ARL6IP5: variants seen among roughly 807,000 people sequenced by gnomAD.
The protein encoded by ARL6IP5 is PRA1 family protein 3.
Under a neutral mutation model 13.0 loss-of-function variants are expected in ARL6IP5, and 6 were observed. That is an observed-to-expected ratio of 0.46 (90% CI 0.25 to 0.91). The LOEUF (loss-of-function observed/expected upper bound fraction) is 0.91. Ranked by LOEUF, ARL6IP5 falls within the 40% of genes least tolerant of loss-of-function variation. The probability of loss-of-function intolerance (pLI) is 0.17; values close to 1 mark genes in which losing one functional copy is unlikely to be tolerated. For missense variants in ARL6IP5, 208 were observed against 248.8 expected, an observed-to-expected ratio of 0.84 and a Z score of 1.10; for synonymous variants, 91 against 91.9, an observed-to-expected ratio of 0.99 and a Z score of 0.06.
chr3:69,085,176 C>A lies in ARL6IP5; in HGVS notation c.129C>A (p.Tyr43Ter), dbSNP rs370577404. 56 of 1,614,058 alleles carry A rather than the reference C, an allele frequency of 3.5e-5. No individual in the cohort carries two copies. Among genetic ancestry groups the A allele is most frequent in the Non-Finnish European group, 4.7e-5 (56 of 1,180,022 alleles). The change falls in exon 1 of 3, where the codon TAC (tyrosine) becomes TAA (stop). Residue 43 changes from tyrosine (Y) to a stop codon, truncating the protein, a stop_gained. Transcript: ENST00000273258. LOFTEE classifies it high-confidence loss of function. ...GCGTAGTGAGCAACCTGCTCTATTA[C>A]CAGACCAACTACCTGGTGGTGGCTG... ...NNRVVSNLLY[Y>*]QTNYLVVAAM...
chr3:69,104,185 A>G (rs1372837541), intron 2 of ARL6IP5, among the ~76,000 whole-genome samples: 2 of 152,192 alleles, frequency 1.3e-5, no homozygotes, highest in Non-Finnish European at 2.9e-5. Context: ...CAAGGTGATG[A>G]TATCAGTGTG....
chr3:69,099,893 A>C (rs2092300006), intron 1 of ARL6IP5: 2 of 152,768 alleles, frequency 1.3e-5, no homozygotes. Flanking sequence ...GGGGTGGGCG[A>C]CTATAATGCC....
chr3:69,098,163 G>C (rs2092293070), intron 1 of ARL6IP5, among the ~76,000 whole-genome samples: 1 of 149,852 alleles, frequency 6.7e-6, no homozygotes, highest in Non-Finnish European at 1.5e-5. Context: ...TGCACCCTCT[G>C]CCTCCCGGGT....
At chr3:69,087,041 G>A (rs2092251032) in intron 1 of ARL6IP5, among the ~76,000 whole-genome samples, 1 of 151,742 alleles carries the variant, frequency 6.6e-6, no homozygotes, top group Admixed American at 6.6e-5. Flanking sequence ...TTACTTTTGA[G>A]ACAAGGTCTT....
chr3:69,088,515 G>A (rs553381231), intron 1 of ARL6IP5, among the ~76,000 whole-genome samples: 91 of 152,304 alleles, frequency 6.0e-4, no homozygotes, highest in Middle Eastern at 6.8e-3. Context: ...ATTTCAGGAA[G>A]GGTGAGGGAA....
At chr3:69,104,395 G>T in intron 2 of ARL6IP5, 69 bp from the exon 3 acceptor site, 1 of 1,455,224 alleles carries the variant, frequency 6.9e-7, no homozygotes, top group Non-Finnish European at 9.5e-7. Flanking sequence ...GTGAAGAGAG[G>T]GAGTGTAATA....
At chr3:69,104,043 C>T (rs554974268) in intron 2 of ARL6IP5, among the ~76,000 whole-genome samples, 5 of 152,256 alleles carry the variant, frequency 3.3e-5, no homozygotes, top group African/African-American at 1.2e-4. Context: ...CGTGCTCCTG[C>T]AGGGAACAAG....
chr3:69,085,929 A>T (rs1297887365), intron 1 of ARL6IP5, among the ~76,000 whole-genome samples: 1 of 152,214 alleles, frequency 6.6e-6, no homozygotes, highest in Non-Finnish European at 1.5e-5. Flanking sequence ...TACTTAACAA[A>T]GTATCCTGTG....
At chr3:69,101,417 G>C (rs896942081) in intron 1 of ARL6IP5, among the ~76,000 whole-genome samples, 2 of 150,442 alleles carry the variant, frequency 1.3e-5, no homozygotes, top group African/African-American at 4.9e-5. Context: ...CAACCTCCCA[G>C]GTTCAAGTGA....
intron 1 of ARL6IP5, among the ~76,000 whole-genome samples, chr3:69,098,787 A>G (rs2092295411): frequency 6.6e-6 from 1 of 152,172 alleles, no homozygotes; most frequent in Non-Finnish European, 1.5e-5. Flanking sequence ...CACTCAATAT[A>G]TAATGTCTTC....
At chr3:69,104,325 G>T in intron 2 of ARL6IP5, 139 bp from the exon 3 acceptor site, 1 of 822,020 alleles carries the variant, frequency 1.2e-6, no homozygotes. Context: ...CCATTTGAAA[G>T]CTTGCATCAA....
chr3:69,103,801 GGAGA>G (rs1303888037), intron 2 of ARL6IP5, among the ~76,000 whole-genome samples: 1 of 152,146 alleles, frequency 6.6e-6, no homozygotes, highest in East Asian at 1.9e-4. Context: ...TAGATCATAT[GGAGA>G]GAGGGTTACC....
intron 1 of ARL6IP5, among the ~76,000 whole-genome samples, chr3:69,097,491 T>G (rs527392409): frequency 5.3e-5 from 8 of 152,104 alleles, no homozygotes; most frequent in Non-Finnish European, 8.8e-5. Context: ...TCTTTTGTGA[T>G]GCTGGGAATT....
chr3:69,092,825 T>TC (rs2107511860), intron 1 of ARL6IP5, among the ~76,000 whole-genome samples: 1 of 151,966 alleles, frequency 6.6e-6, no homozygotes, highest in African/African-American at 2.4e-5. Flanking sequence ...CAGCCTTTTT[T>TC]TTTTTTTTTT....
intron 1 of ARL6IP5, among the ~76,000 whole-genome samples, chr3:69,091,488 G>A (rs1014769973): frequency 1.3e-5 from 2 of 151,772 alleles, no homozygotes; most frequent in African/African-American, 4.8e-5. Flanking sequence ...GTAGAGAAGG[G>A]TTTTTGCCAT....
At chr3:69,090,118 A>G (rs2092260591) in intron 1 of ARL6IP5, among the ~76,000 whole-genome samples, 1 of 152,200 alleles carries the variant, frequency 6.6e-6, no homozygotes, top group South Asian at 2.1e-4. Flanking sequence ...GTACCTTTAA[A>G]TGCTGTAAAG....
At chr3:69,092,414 CCT>C (rs1270919133) in intron 1 of ARL6IP5, among the ~76,000 whole-genome samples, 8 of 152,138 alleles carry the variant, frequency 5.3e-5, no homozygotes, top group African/African-American at 1.9e-4. Flanking sequence ...TTGTCCAGCC[CCT>C]GTCTTCTCTC....
At chr3:69,085,270 G>T (rs543035958) in intron 1 of ARL6IP5, 47 bp downstream of exon 1, 1 of 1,577,220 alleles carries the variant, frequency 6.3e-7, no homozygotes, top group South Asian at 1.2e-5. Flanking sequence ...GGCGAGCACG[G>T]AGGGGCCTCG....
chr3:69,097,649 G>A lies in ARL6IP5; in HGVS notation c.177-4190G>A, dbSNP rs117943037. ...ATTTTTTCTTTCCCAGACCAATTCCGGGGTTGTCTCAGAAGACAGGGCATA... is the reference window on the plus strand; with the variant it reads ...ATTTTTTCTTTCCCAGACCAATTCCAGGGTTGTCTCAGAAGACAGGGCATA... On this transcript the variant is annotated intron_variant, in intron 1 of 2. Transcript: ENST00000273258. Among the ~76,000 whole-genome samples the A allele has an allele frequency of 1.3e-3, 203 of 152,170 alleles. 5 individuals are homozygous for A. In the East Asian group the frequency reaches 0.036, roughly 27 times the overall value.
Sources: allele counts gnomAD v4.1 joint callset (sites outside exome capture counted in the v4.1 genomes callset), GRCh38; gene constraint gnomAD v4.1.1; transcripts MANE v1.5; gene names NCBI Gene and HGNC (gene_info 2026-07-23, HGNC 2026-07-21).